TP53BP1: variants seen among roughly 807,000 people sequenced by gnomAD.
The protein encoded by TP53BP1 is TP53-binding protein 1.
Under a neutral mutation model 200.8 loss-of-function variants are expected in TP53BP1, and 61 were observed. The observed-to-expected ratio is 0.30, with a 90% CI of 0.25 to 0.38. The LOEUF (loss-of-function observed/expected upper bound fraction) is 0.38. Among genes scored for constraint, TP53BP1 ranks in the 10% least tolerant of loss-of-function variants. The probability of loss-of-function intolerance (pLI) is 1.00; values close to 1 mark genes in which losing one functional copy is unlikely to be tolerated. For missense variants in TP53BP1, 2,144 were observed against 2,371.9 expected (o/e 0.90, Z 2.00); for synonymous variants, 822 against 844.3 (o/e 0.97, Z 0.46).
At chr15:43,497,126 G>A (rs965016841), upstream of TP53BP1, among the ~76,000 whole-genome samples, 8 of 152,168 alleles carry the variant, frequency 5.3e-5, no homozygotes, top group Admixed American at 6.5e-5. Flanking sequence ...AGCCAGGTGC[G>A]GTAGCTCAAG....
At chr15:43,475,307 G>A (rs2078864307) in intron 9 of TP53BP1, among the ~76,000 whole-genome samples, 1 of 152,206 alleles carries the variant, frequency 6.6e-6, no homozygotes, top group African/African-American at 2.4e-5. Flanking sequence ...GCTTGTTTTG[G>A]ATGTGTAACA....
intron 13 of TP53BP1, 73 bp downstream of exon 13, chr15:43,447,293 T>C (rs1313867358): frequency 6.6e-7 from 1 of 1,509,980 alleles, no homozygotes; most frequent in Non-Finnish European, 9.0e-7. Flanking sequence ...TCCTCAGATC[T>C]AAAATATCAC....
At chr15:43,412,229 A>G (rs1040357516) in intron 24 of TP53BP1, among the ~76,000 whole-genome samples, 2 of 152,214 alleles carry the variant, frequency 1.3e-5, no homozygotes, top group African/African-American at 4.8e-5. Flanking sequence ...GTTTTGGTTA[A>G]TTAGGAAAGA....
chr15:43,424,407 T>TAC (rs2045477977), intron 18 of TP53BP1, among the ~76,000 whole-genome samples: 1 of 152,234 alleles, frequency 6.6e-6, no homozygotes, highest in Non-Finnish European at 1.5e-5. Flanking sequence ...TCCCCATTCC[T>TAC]ACTTCTGTCA....
rs1251650288 is a variant in TP53BP1 at position 43,415,352 on chromosome 15, G to A, written c.5089+242C>T. ...GCCTCCCCAGTAGCTGGTATTACAG[G>A]CGCCCGCCACCACACTCAGCTAATT... is the stretch of plus-strand genomic sequence containing the variant. On this transcript the variant is annotated intron_variant, in intron 23 of 27. Coordinates refer to ENST00000382044, the MANE Select transcript of TP53BP1 (RefSeq NM_001141980.3). 3 of 590,126 alleles carry A rather than the reference G, an allele frequency of 5.1e-6. No individual in the cohort carries two copies. The East Asian group carries it at 9.5e-5, about 19-fold the overall frequency. 36.6% of individuals were successfully genotyped at this position (590,126 alleles called of 1,614,324 possible).
chr15:43,453,127 G>A (rs2046210790), intron 12 of TP53BP1, among the ~76,000 whole-genome samples: 1 of 144,722 alleles, frequency 6.9e-6, no homozygotes, highest in South Asian at 2.2e-4. Flanking sequence ...CCAAGAGGCG[G>A]AGCTTGCAGT....
chr15:43,409,605 TATC>T (rs781147954), intron 25 of TP53BP1, 39 bp downstream of exon 25: 2 of 1,135,666 alleles, frequency 1.8e-6, no homozygotes, highest in South Asian at 1.7e-5. Flanking sequence ...AGTTGGCTCT[TATC>T]ATTGCCACTA....
chr15:43,509,291 C>A (rs1035959810), intron 1 of TP53BP1, among the ~76,000 whole-genome samples: 1 of 148,190 alleles, frequency 6.7e-6, no homozygotes, highest in Non-Finnish European at 1.5e-5. Flanking sequence ...TGCCAGTACT[C>A]TTATTTTCCC....
intron 12 of TP53BP1, 43 bp downstream of exon 12, chr15:43,455,849 T>A (rs764893226): frequency 6.2e-7 from 1 of 1,602,770 alleles, no homozygotes; most frequent in Admixed American, 1.7e-5. Flanking sequence ...CATTCCAGAT[T>A]ATAATTTAGG....
chr15:43,454,995 G>A (rs1196080894), intron 12 of TP53BP1, among the ~76,000 whole-genome samples: 2 of 152,160 alleles, frequency 1.3e-5, no homozygotes, highest in Admixed American at 1.3e-4. Flanking sequence ...CTCCCAAAGT[G>A]TTAGGATTAC....
chr15:43,421,319 C>A (rs769651654), intron 19 of TP53BP1, 145 bp from the exon 20 acceptor site: 15 of 761,248 alleles, frequency 2.0e-5, no homozygotes, highest in Non-Finnish European at 3.0e-5. Context: ...ACACCCACCA[C>A]CAAAATCTCA....
intron 18 of TP53BP1, among the ~76,000 whole-genome samples, chr15:43,422,719 T>C (rs774116175): frequency 3.9e-5 from 6 of 152,124 alleles, no homozygotes; most frequent in Non-Finnish European, 7.4e-5. Flanking sequence ...AGGGGTCAGG[T>C]GTGGTGGCTC....
intron 15 of TP53BP1, among the ~76,000 whole-genome samples, chr15:43,439,786 C>T (rs1053070433): frequency 6.6e-6 from 1 of 152,200 alleles, no homozygotes; most frequent in Non-Finnish European, 1.5e-5. Flanking sequence ...CTACTTTCTA[C>T]CCTAAGAGTT....
At chr15:43,493,760 TCCCATTG>T (rs1157798333), upstream of TP53BP1, among the ~76,000 whole-genome samples, 1 of 152,210 alleles carries the variant, frequency 6.6e-6, no homozygotes, top group Non-Finnish European at 1.5e-5. Context: ...CCATATTTCT[TCCCATTG>T]CCCTTTTCCG....
At chr15:43,504,592 T>A (rs1406386688) in intron 1 of TP53BP1, among the ~76,000 whole-genome samples, 1 of 151,960 alleles carries the variant, frequency 6.6e-6, no homozygotes, top group Non-Finnish European at 1.5e-5. Flanking sequence ...ACAAATAAGG[T>A]AAAGGTAAAT....
intron 18 of TP53BP1, 52 bp from the exon 19 acceptor site, chr15:43,422,178 G>A (rs570501184): frequency 6.4e-7 from 1 of 1,565,394 alleles, no homozygotes; most frequent in African/African-American, 1.4e-5. Flanking sequence ...ATAACACAAT[G>A]CTAATATGAT....
intron 8 of TP53BP1, among the ~76,000 whole-genome samples, chr15:43,477,196 A>T (rs1212952841): frequency 6.6e-6 from 1 of 151,632 alleles, no homozygotes; most frequent in Non-Finnish European, 1.5e-5. Flanking sequence ...GCTACTAGGG[A>T]GGCTGAGGCA....
intron 4 of TP53BP1, 87 bp from the exon 5 acceptor site, chr15:43,481,109 C>A: frequency 1.3e-6 from 2 of 1,505,032 alleles, no homozygotes; most frequent in African/African-American, 1.4e-5. Flanking sequence ...ACATACCAAC[C>A]ATCTCTTAGC....
chr15:43,447,579 GA>G, intron 12 of TP53BP1, 94 bp from the exon 13 acceptor site: 7 of 1,169,302 alleles, frequency 6.0e-6, no homozygotes, highest in Non-Finnish European at 8.1e-6. Context: ...AGAACTGCAA[GA>G]AATATTTCAA....
Sources: allele counts gnomAD v4.1 joint callset (sites outside exome capture counted in the v4.1 genomes callset), GRCh38; gene constraint gnomAD v4.1.1; transcripts MANE v1.5; gene names NCBI Gene and HGNC (gene_info 2026-07-23, HGNC 2026-07-21).